UBR3: variants seen among roughly 807,000 people sequenced by gnomAD.
UBR3 encodes the protein E3 ubiquitin-protein ligase UBR3.
In UBR3, 85 loss-of-function variants were observed where a neutral mutation model predicts 243.2. That is an observed-to-expected ratio of 0.35 (90% CI 0.29 to 0.42). UBR3 has a LOEUF of 0.42. Ranked by LOEUF, UBR3 falls within the 10% of genes least tolerant of loss-of-function variation. UBR3 has a pLI of 1.00. For synonymous variants in UBR3, 748 were observed against 799.8 expected (o/e 0.94, Z 1.09); for missense variants, 1,686 against 2,300.8 (o/e 0.73, Z 5.47).
chr2:170,000,954 A>G (rs2089673679), intron 26 of UBR3, among the ~76,000 whole-genome samples: 2 of 152,232 alleles, frequency 1.3e-5, no homozygotes, highest in South Asian at 2.1e-4. Context: ...GTCAGAAATC[A>G]TAGAGAGATT....
At chr2:169,968,699 T>A (rs1302002077) in intron 24 of UBR3, among the ~76,000 whole-genome samples, 1 of 152,208 alleles carries the variant, frequency 6.6e-6, no homozygotes, top group African/African-American at 2.4e-5. Flanking sequence ...CTTTTGAATA[T>A]ATACCCAGCA....
At chr2:170,021,327 A>G (rs1420514960) in intron 30 of UBR3, among the ~76,000 whole-genome samples, 1 of 152,128 alleles carries the variant, frequency 6.6e-6, no homozygotes, top group Non-Finnish European at 1.5e-5. Flanking sequence ...CTTATATACA[A>G]CAGAAATGTA....
intron 10 of UBR3, among the ~76,000 whole-genome samples, chr2:169,909,820 ACATG>A (rs1316018093): frequency 6.6e-6 from 1 of 152,142 alleles, no homozygotes; most frequent in Non-Finnish European, 1.5e-5. Context: ...TTAAATAAAA[ACATG>A]CTGTGACAAT....
At chr2:169,936,329 G>T (rs1559111244) in intron 19 of UBR3, among the ~76,000 whole-genome samples, 1 of 152,056 alleles carries the variant, frequency 6.6e-6, no homozygotes, top group Non-Finnish European at 1.5e-5. Context: ...AAAGTGCTGG[G>T]ATTACAGGCG....
intron 18 of UBR3, among the ~76,000 whole-genome samples, chr2:169,930,942 CTGTT>C (rs1196263998): frequency 2.0e-5 from 3 of 152,154 alleles, no homozygotes; most frequent in Admixed American, 6.5e-5. Flanking sequence ...CCATGGAACA[CTGTT>C]TGAAGCCCAC....
intron 31 of UBR3, among the ~76,000 whole-genome samples, chr2:170,034,465 G>T (rs919104551): frequency 6.6e-6 from 1 of 151,898 alleles, no homozygotes; most frequent in Admixed American, 6.6e-5. Flanking sequence ...CTTTCATTTG[G>T]TAATATGTAT....
At chr2:170,057,207 C>G (rs925621717) in intron 33 of UBR3, among the ~76,000 whole-genome samples, 2 of 151,578 alleles carry the variant, frequency 1.3e-5, no homozygotes, top group Non-Finnish European at 2.9e-5. Context: ...CCTCAACCTC[C>G]TGGGCCCAAG....
intron 35 of UBR3, among the ~76,000 whole-genome samples, chr2:170,062,149 G>T (rs1383007650): frequency 6.6e-6 from 1 of 152,174 alleles, no homozygotes; most frequent in African/African-American, 2.4e-5. Flanking sequence ...GTAGCCAGTT[G>T]TATTAAAATG....
rs1441245153 is a variant in UBR3 at position 170,029,422 on chromosome 2, C to T, written c.4530C>T (p.Leu1510=). ...IDSEYNPWRK[L]TQLEEMNPQL... ...CTGAGTATAATCCCTGGAGAAAGCTCACCCAGTTAGAAGAGATGAATCCAC... is the reference window on the plus strand; with the variant it reads ...CTGAGTATAATCCCTGGAGAAAGCTTACCCAGTTAGAAGAGATGAATCCAC... The change falls in exon 31 of 39, where the codon CTC becomes CTT. Residue 1510 remains leucine (L), a synonymous_variant. Transcript: ENST00000272793. The T allele has an allele frequency of 6.2e-7, 1 of 1,611,182 alleles. No individual in the cohort carries two copies. The highest frequency in any genetic ancestry group is 8.5e-7 in the Non-Finnish European group (1 of 1,178,470).
intron 19 of UBR3, among the ~76,000 whole-genome samples, chr2:169,940,711 T>C (rs1002747527): frequency 2.0e-5 from 3 of 152,230 alleles, no homozygotes; most frequent in Non-Finnish European, 4.4e-5. Context: ...TGTCGTTTTC[T>C]CTGTGTAATT....
At chr2:169,914,512 G>A (rs1031773) in intron 11 of UBR3, among the ~76,000 whole-genome samples, 21,405 of 152,118 alleles carry the variant, frequency 0.14, 2,036 homozygotes, top group East Asian at 0.44. Context: ...TAATGAAAAG[G>A]GTATCATACA....
At chr2:170,061,519 G>A (rs577332194) in intron 35 of UBR3, 76 bp downstream of exon 35, 2 of 1,556,200 alleles carry the variant, frequency 1.3e-6, no homozygotes, top group Non-Finnish European at 1.7e-6. Context: ...CCAGACTGGA[G>A]TGCAGTGGCA....
chr2:170,073,726 A>G, intron 36 of UBR3, 119 bp downstream of exon 36: 2 of 1,006,302 alleles, frequency 2.0e-6, no homozygotes, highest in Non-Finnish European at 2.8e-6. Context: ...AAACTTGATT[A>G]AATTGAAAAA....
intron 26 of UBR3, among the ~76,000 whole-genome samples, chr2:169,995,871 T>A (rs1395571791): frequency 6.6e-6 from 1 of 152,222 alleles, no homozygotes; most frequent in Non-Finnish European, 1.5e-5. Context: ...TTCCTTTTGA[T>A]GTTTCCTGAG....
At chr2:169,957,362 CTG>C (rs1222686094) in intron 23 of UBR3, among the ~76,000 whole-genome samples, 1 of 151,844 alleles carries the variant, frequency 6.6e-6, no homozygotes, top group African/African-American at 2.4e-5. Flanking sequence ...CACATATACA[CTG>C]TGGAATACTA....
intron 10 of UBR3, among the ~76,000 whole-genome samples, chr2:169,906,686 C>T (rs1014540538): frequency 6.6e-6 from 1 of 152,136 alleles, no homozygotes; most frequent in African/African-American, 2.4e-5. Flanking sequence ...CATGCAGTTC[C>T]AGCCTGTTAT....
At chr2:169,959,763 G>A (rs1017050616) in intron 24 of UBR3, among the ~76,000 whole-genome samples, 2 of 152,122 alleles carry the variant, frequency 1.3e-5, no homozygotes, top group Admixed American at 6.5e-5. Context: ...CCCGGTCTGA[G>A]GCTGAAGGCT....
chr2:169,954,931 C>T (rs1480845873), intron 23 of UBR3, among the ~76,000 whole-genome samples: 2 of 152,122 alleles, frequency 1.3e-5, no homozygotes, highest in Non-Finnish European at 1.5e-5. Flanking sequence ...ATTTAGTTGT[C>T]ATGCCTCTTT....
rs2089618957 is a variant in UBR3 at position 169,999,619 on chromosome 2, C to G, written c.3919-1685C>G. On this transcript the variant is annotated intron_variant, in intron 26 of 38. Coordinates refer to ENST00000272793, the MANE Select transcript of UBR3 (RefSeq NM_172070.4). ...ATCTTGTGCCTTCATATTGCTCTGG[C>G]CCACCCATCTATTTACTACAGATTG... Among the ~76,000 whole-genome samples the G allele has an allele frequency of 1.3e-5, 2 of 152,070 alleles. 1 individual carries two copies. The highest frequency in any genetic ancestry group is 4.1e-4 in the South Asian group (2 of 4,834).
Sources: allele counts gnomAD v4.1 joint callset (sites outside exome capture counted in the v4.1 genomes callset), GRCh38; gene constraint gnomAD v4.1.1; transcripts MANE v1.5; gene names NCBI Gene and HGNC (gene_info 2026-07-23, HGNC 2026-07-21).